The following SLC12A4 variants were observed in gnomAD, a reference collection of about 807,000 sequenced individuals.
SLC12A4 encodes the protein electroneutral potassium-chloride cotransporter 1.
Under a neutral mutation model 119.2 loss-of-function variants are expected in SLC12A4, and 84 were observed. The ratio of observed to expected loss-of-function variants is 0.70; its 90% CI spans 0.59 to 0.85. The LOEUF (loss-of-function observed/expected upper bound fraction) is 0.85. Ranked by LOEUF, SLC12A4 falls within the 40% of genes least tolerant of loss-of-function variation. The pLI, the probability that SLC12A4 is intolerant of heterozygous loss-of-function variation, is 0.00. For missense variants in SLC12A4, 1,298 were observed against 1,476.3 expected (o/e 0.88, Z 1.98); for synonymous variants, 599 against 604.6 (o/e 0.99, Z 0.14).
chr16:67,952,217 C>T lies in SLC12A4; in HGVS notation c.884G>A (p.Gly295Asp), dbSNP rs1276925217. The change falls in exon 7 of 24, where the codon GGC becomes GAC. Residue 295 changes from glycine (G) to aspartate (D), a missense_variant. Gly to Asp is a moderately conservative substitution (Grantham distance 94). Coordinates refer to ENST00000316341, the MANE Select transcript of SLC12A4 (RefSeq NM_005072.5). ...GGGAGGGTCAAATATAGACTTTATGCCCCCAGCATAGATGGAGAGGATGGA... is the reference window on the plus strand; with the variant it reads ...GGGAGGGTCAAATATAGACTTTATGTCCCCAGCATAGATGGAGAGGATGGA... ...IISILSIYAG[G>D]IKSIFDPPVF... 2.5e-6 allele frequency: 4 copies of T among 1,614,070 alleles called. No homozygotes were observed. The South Asian group carries it at 3.3e-5, about 13-fold the overall frequency.
intron 16 of SLC12A4, 38 bp from the exon 17 acceptor site, chr16:67,947,143 C>T (rs769211933): frequency 1.4e-5 from 22 of 1,550,514 alleles, no homozygotes; most frequent in South Asian, 2.3e-5. Flanking sequence ...AGACCAGGGC[C>T]GGCCGTTCTA....
chr16:67,965,874 G>C (rs909609087), intron 1 of SLC12A4, among the ~76,000 whole-genome samples: 2 of 152,172 alleles, frequency 1.3e-5, no homozygotes, highest in Non-Finnish European at 2.9e-5. Flanking sequence ...GATGTTCAGA[G>C]GCAAGGTCAC....
intron 22 of SLC12A4, 54 bp from the exon 23 acceptor site, chr16:67,945,274 T>C (rs2058329477): frequency 6.4e-7 from 1 of 1,558,192 alleles, no homozygotes; most frequent in Non-Finnish European, 8.7e-7. Context: ...GCAAGGAGGG[T>C]CCCCACCCCT....
rs1182597528 is a variant in SLC12A4, at chr16:67,943,558, G to A, written c.*1282C>T. ...ATGGGGGCTGGGCCTAATAGGGGCCGGGCATGGATGGGCCTCTCCTGCTCA... is the reference window on the plus strand; with the variant it reads ...ATGGGGGCTGGGCCTAATAGGGGCCAGGCATGGATGGGCCTCTCCTGCTCA... On this transcript the variant is annotated 3_prime_UTR_variant, in exon 24 of 24. Coordinates refer to ENST00000316341, the MANE Select transcript of SLC12A4 (RefSeq NM_005072.5). The surrounding 1 kb of genome is among the most constrained non-coding windows in gnomAD (Gnocchi z 4.6). 3.6e-5 allele frequency: 18 copies of A among 503,662 alleles called. 1 individual carries two copies. Among genetic ancestry groups the A allele is most frequent in the Admixed American group, 1.6e-4 (5 of 30,680 alleles). 31.2% of individuals were successfully genotyped at this position (503,662 alleles called of 1,614,324 possible).
At chr16:67,967,286 GACA>G (rs1397526608) in intron 1 of SLC12A4, among the ~76,000 whole-genome samples, 4 of 152,210 alleles carry the variant, frequency 2.6e-5, no homozygotes, top group East Asian at 3.8e-4. Flanking sequence ...CAGAGGTCCA[GACA>G]ACGTCACCTG....
At position 67,951,429 on chromosome 16, in the gene SLC12A4, A is replaced by C; in HGVS notation, c.1133-125T>G. On this transcript the variant is annotated intron_variant, in intron 8 of 23. Coordinates refer to ENST00000316341, the MANE Select transcript of SLC12A4 (RefSeq NM_005072.5). This position sits in a 1 kb window ranked among gnomAD's most constrained non-coding sequence, Gnocchi z 5.2. ...CTCAGGGAACAGCTTCAGCCCAATGACTGCAGCGTCAGCCACAGGGCTACC... is the reference window on the plus strand; with the variant it reads ...CTCAGGGAACAGCTTCAGCCCAATGCCTGCAGCGTCAGCCACAGGGCTACC... 9.4e-7 allele frequency: 1 copy of C among 1,062,856 alleles called. No homozygotes were observed. The highest frequency in any genetic ancestry group is 1.3e-6 in the Non-Finnish European group (1 of 744,914). The allele number at this position is 1,062,856 out of a possible 1,614,324, so 65.8% of individuals were successfully genotyped here. A position where few individuals can be genotyped will look rare whatever the true frequency, so the allele number is the denominator to read the frequency against.
chr16:67,963,810 G>A (rs1005133868), intron 1 of SLC12A4: 4 of 1,351,382 alleles, frequency 3.0e-6, no homozygotes, highest in Non-Finnish European at 3.0e-6. Flanking sequence ...GGGCGCAGGC[G>A]CCCTAGCACA....
rs1322118916 is a variant in SLC12A4 at position 67,951,270 on chromosome 16, G to A, written c.1167C>T (p.Asp389=). The A allele has an allele frequency of 6.2e-7, 1 of 1,614,054 alleles. No individual in the cohort carries two copies. The highest frequency in any genetic ancestry group is 2.2e-5 in the East Asian group (1 of 44,880). Reference sequence around the variant, plus strand: ...AGGGCAGCCCATGCTTCTCCACGATGTCACCCTTCTCCAGGTAGGCGCTCC... The same window carrying A: ...AGGGCAGCCCATGCTTCTCCACGATATCACCCTTCTCCAGGTAGGCGCTCC... The part of the protein sequence containing the change: ...NLWSAYLEKG[D]IVEKHGLPSA... Residue 389 remains aspartate, a synonymous_variant, in exon 9 of 24, where the codon GAC becomes GAT. Coordinates refer to ENST00000316341, the MANE Select transcript of SLC12A4 (RefSeq NM_005072.5). The surrounding 1 kb of genome is among the most constrained non-coding windows in gnomAD (Gnocchi z 5.2).
At chr16:67,967,445 G>A (rs2030914389) in intron 1 of SLC12A4, among the ~76,000 whole-genome samples, 1 of 152,198 alleles carries the variant, frequency 6.6e-6, no homozygotes, top group Non-Finnish European at 1.5e-5. Context: ...ACCTGAACCA[G>A]CCTTCACCCT....
chr16:67,951,072 G>C lies in SLC12A4; in HGVS notation c.1298-12C>G. 1 of 1,614,002 alleles carries C rather than the reference G, an allele frequency of 6.2e-7. No homozygotes were observed. The highest frequency in any genetic ancestry group is 8.5e-7 in the Non-Finnish European group (1 of 1,179,982). On this transcript the variant is annotated splice_polypyrimidine_tract_variant and intron_variant, in intron 9 of 23. Coordinates refer to ENST00000316341, the MANE Select transcript of SLC12A4 (RefSeq NM_005072.5). This position sits in a 1 kb window ranked among gnomAD's most constrained non-coding sequence, Gnocchi z 5.2. Reference sequence around the variant, plus strand: ...GCCAGCCATGATGCCTCCAAAAACAGATGAGACTCCCTCAGGGGCTCCCCG... The same window carrying C: ...GCCAGCCATGATGCCTCCAAAAACACATGAGACTCCCTCAGGGGCTCCCCG...
In SLC12A4 at chr16:67,945,972, G is replaced by C; in HGVS notation, c.2718C>G (p.Ala906=). The part of the protein sequence containing the change: ...AVFLYHLRLE[A]EVEVVEMHNS... ...TCACCATCTCCACCACCTCCACCTC[G>C]GCCTCAAGGCGCAGATGGTACAGAA... The change falls in exon 20 of 24, where the codon GCC becomes GCG. Residue 906 remains alanine (A), a synonymous_variant. Coordinates refer to ENST00000316341, the MANE Select transcript of SLC12A4 (RefSeq NM_005072.5). 1 of 1,613,720 alleles carries C rather than the reference G, an allele frequency of 6.2e-7. No individual in the cohort carries two copies. The highest frequency in any genetic ancestry group is 8.5e-7 in the Non-Finnish European group (1 of 1,179,748).
At position 67,945,341 on chromosome 16, in the gene SLC12A4, C is replaced by T. The variant is rs199573675; in HGVS notation, c.3032+28G>A. On this transcript the variant is annotated intron_variant, in intron 22 of 23. Coordinates refer to ENST00000316341, the MANE Select transcript of SLC12A4 (RefSeq NM_005072.5). ...CCACCTCCACCCCTAGATTCCAGTG[C>T]CGCTGGGGCTGTTTTTGCTGCACTC... is the stretch of plus-strand genomic sequence containing the variant. 1.5e-5 allele frequency: 24 copies of T among 1,597,902 alleles called. No homozygotes were observed. The East Asian group carries it at 5.1e-4, about 34-fold the overall frequency.
At chr16:67,968,691 CG>C, upstream of SLC12A4, 1 of 1,247,858 alleles carries the variant, frequency 8.0e-7, no homozygotes, top group Non-Finnish European at 1.0e-6. Context: ...GCCCGCCCCC[CG>C]GGCCGCCCCT....
intron 2 of SLC12A4, 36 bp downstream of exon 2, chr16:67,963,429 T>G: frequency 4.8e-6 from 7 of 1,469,324 alleles, no homozygotes; most frequent in Non-Finnish European, 6.5e-6. Flanking sequence ...AGCCTCTGTG[T>G]GCCAAACCTG....
intron 1 of SLC12A4, among the ~76,000 whole-genome samples, chr16:67,968,199 C>T (rs2030947928): frequency 6.6e-6 from 1 of 152,040 alleles, no homozygotes; most frequent in Non-Finnish European, 1.5e-5. Context: ...CCGCCCGGGG[C>T]CCACAGGGGA....
At chr16:67,965,750 G>A (rs2030840140) in intron 1 of SLC12A4, among the ~76,000 whole-genome samples, 1 of 152,122 alleles carries the variant, frequency 6.6e-6, no homozygotes, top group African/African-American at 2.4e-5. Flanking sequence ...TGTCCCTTCA[G>A]CTATCACTCT....
In SLC12A4 at chr16:67,950,769, C is replaced by T. The variant is rs1429617619; in HGVS notation, c.1397-58G>A. On this transcript the variant is annotated intron_variant, in intron 10 of 23. Transcript: ENST00000316341. The surrounding 1 kb of genome is among the most constrained non-coding windows in gnomAD (Gnocchi z 4.3). ...CCACCCCACTGTCCCTGAATAGTAC[C>T]ACGTGCCCCCACCCCAGCCAGACTA... 6.4e-7 allele frequency: 1 copy of T among 1,562,674 alleles called. No homozygotes were observed. Among genetic ancestry groups the T allele is most frequent in the Non-Finnish European group, 8.7e-7 (1 of 1,151,644 alleles).
At chr16:67,968,114 G>C (rs2030941378) in intron 1 of SLC12A4, among the ~76,000 whole-genome samples, 1 of 152,204 alleles carries the variant, frequency 6.6e-6, no homozygotes, top group African/African-American at 2.4e-5. Flanking sequence ...AAGGGCCTGA[G>C]ATGGGGTCTC....
In SLC12A4 at chr16:67,952,414, G is replaced by A; in HGVS notation, c.687C>T (p.Ala229=). ...ATGGGTAAAAAATGGCAGCTGGTGG[G>A]GCAATGTAGGTCTGAAACAAGAAGA... ...GAIEILLTYI[A]PPAAIFYPSG... The change falls in exon 7 of 24, where the codon GCC becomes GCT. Residue 229 remains alanine (A), a synonymous_variant. Coordinates refer to ENST00000316341, the MANE Select transcript of SLC12A4 (RefSeq NM_005072.5). 1 of 1,614,114 alleles carries A rather than the reference G, an allele frequency of 6.2e-7. No individual in the cohort carries two copies. The highest frequency in any genetic ancestry group is 8.5e-7 in the Non-Finnish European group (1 of 1,179,958).
Sources: gnomAD v4.1 joint callset for allele counts (sites outside exome capture counted in the v4.1 genomes callset) on GRCh38, gnomAD v4.1.1 for gene constraint, Gnocchi (gnomAD v3.1) non-coding constraint, MANE v1.5 for transcripts, NCBI Gene and HGNC (gene_info 2026-07-23, HGNC 2026-07-21) for gene names.